The following PLEKHA7 variants were observed in gnomAD, a reference collection of about 807,000 sequenced individuals.
PLEKHA7 encodes pleckstrin homology domain-containing family A member 7.
Under a neutral mutation model 170.0 loss-of-function variants are expected in PLEKHA7, and 104 were observed. That is an observed-to-expected ratio of 0.61 (90% CI 0.52 to 0.72). The LOEUF (loss-of-function observed/expected upper bound fraction) is 0.72. Among genes scored for constraint, PLEKHA7 ranks in the 30% least tolerant of loss-of-function variants. The pLI, the probability that PLEKHA7 is intolerant of heterozygous loss-of-function variation, is 0.00. For missense variants in PLEKHA7, 1,615 were observed against 1,671.7 expected (o/e 0.97, Z 0.59); for synonymous variants, 648 against 660.8 (o/e 0.98, Z 0.30).
intron 3 of PLEKHA7, among the ~76,000 whole-genome samples, chr11:16,890,012 GA>G (rs1261066502): frequency 6.6e-6 from 1 of 151,902 alleles, no homozygotes; most frequent in Non-Finnish European, 1.5e-5. Flanking sequence ...TCTTCTTAAA[GA>G]AAAAAATGCC....
At position 16,816,953 on chromosome 11, in the gene PLEKHA7, C is replaced by T. The variant is rs536213599; in HGVS notation, c.1713G>A (p.Ser571=). The T allele has an allele frequency of 3.7e-4, 602 of 1,612,036 alleles. 1 individual carries two copies. The highest frequency in any genetic ancestry group is 4.8e-4 in the Non-Finnish European group (569 of 1,178,940). Residue 571 remains serine (S), a synonymous_variant, in exon 11 of 27, where the codon TCG becomes TCA. Coordinates refer to ENST00000531066, the MANE Select transcript of PLEKHA7 (RefSeq NM_001329630.2). ...TTGGGGGTCCTGGGGGAGGGATGTC[C>T]GAGGGAGATGGAGGCACAGAGATGG... ...PRSISVPPSP[S]DIPPPGPPRV...
At chr11:16,812,968 T>C in intron 13 of PLEKHA7, 145 bp downstream of exon 13, 2 of 614,554 alleles carry the variant, frequency 3.3e-6, no homozygotes, top group South Asian at 4.8e-5. Context: ...ATAAAGTTCT[T>C]CTGATTCAAG....
At chr11:16,894,019 GCCT>G (rs1856842639) in intron 3 of PLEKHA7, among the ~76,000 whole-genome samples, 1 of 152,182 alleles carries the variant, frequency 6.6e-6, no homozygotes, top group Admixed American at 6.5e-5. Flanking sequence ...GCTAGGCAAA[GCCT>G]CCTCTTTCCA....
intron 3 of PLEKHA7, among the ~76,000 whole-genome samples, chr11:17,007,390 T>C (rs1442693839): frequency 1.3e-5 from 2 of 152,132 alleles, no homozygotes; most frequent in African/African-American, 2.4e-5. Context: ...TGGTGCAATC[T>C]TGGCTCACCG....
chr11:16,802,041 A>G (rs1180512271), intron 15 of PLEKHA7, among the ~76,000 whole-genome samples: 1 of 152,158 alleles, frequency 6.6e-6, no homozygotes, highest in Non-Finnish European at 1.5e-5. Flanking sequence ...TCATCTATAA[A>G]CTAGGGATAC....
intron 3 of PLEKHA7, among the ~76,000 whole-genome samples, chr11:17,001,515 C>T (rs929128044): frequency 2.6e-5 from 4 of 152,104 alleles, no homozygotes; most frequent in African/African-American, 7.2e-5. Context: ...GCTCATCTCC[C>T]GCCTCACCCA....
At chr11:16,783,617 C>A (rs1348883430) in intron 25 of PLEKHA7, 83 bp downstream of exon 25, 2 of 1,306,846 alleles carry the variant, frequency 1.5e-6, no homozygotes, top group Non-Finnish European at 1.9e-6. Context: ...CGCACCCCAG[C>A]CAGCCCGGCC....
intron 10 of PLEKHA7, among the ~76,000 whole-genome samples, chr11:16,822,502 G>GAAAAAA (rs775136335): frequency 8.9e-5 from 7 of 78,956 alleles, no homozygotes; most frequent in African/African-American, 3.8e-4. Context: ...TTTGGTAGGG[G>GAAAAAA]AAAAAAAAAA....
At chr11:16,959,231 C>CCCTG (rs1861898279) in intron 3 of PLEKHA7, among the ~76,000 whole-genome samples, 46 of 72,808 alleles carry the variant, frequency 6.3e-4, no homozygotes, top group Admixed American at 6.1e-3. Context: ...TCCCCTCTCT[C>CCCTG]CCCCTCAGGT....
intron 3 of PLEKHA7, among the ~76,000 whole-genome samples, chr11:16,969,588 C>T (rs375762070): frequency 6.6e-6 from 1 of 152,134 alleles, no homozygotes; most frequent in East Asian, 1.9e-4. Context: ...CCTCCCATAT[C>T]GTCATGCTGC....
intron 3 of PLEKHA7, among the ~76,000 whole-genome samples, chr11:16,880,500 T>A (rs537414469): frequency 1.3e-5 from 2 of 152,226 alleles, no homozygotes; most frequent in South Asian, 4.2e-4. Flanking sequence ...TCCAATAGAG[T>A]TGTTTTGCCT....
intron 3 of PLEKHA7, among the ~76,000 whole-genome samples, chr11:16,938,722 G>C (rs1174147206): frequency 6.6e-6 from 1 of 152,098 alleles, no homozygotes; most frequent in East Asian, 1.9e-4. Context: ...ATGTGGGAGA[G>C]ACCATTTTTC....
chr11:16,827,004 A>G (rs1480475591), intron 9 of PLEKHA7, among the ~76,000 whole-genome samples: 3 of 152,204 alleles, frequency 2.0e-5, no homozygotes, highest in Admixed American at 6.5e-5. Context: ...ACTGCAAGAG[A>G]GAATGAATAA....
At chr11:16,920,371 G>T (rs781505896) in intron 3 of PLEKHA7, among the ~76,000 whole-genome samples, 1 of 152,134 alleles carries the variant, frequency 6.6e-6, no homozygotes. Flanking sequence ...AATTAGATAT[G>T]CCCAGAGATG....
chr11:17,012,730 G>T lies in PLEKHA7; in HGVS notation c.221+1259C>A, dbSNP rs575301740. ...TGAACGTGTGGCACACAGGAAAATT[G>T]TAATAACATCAACTGATGCAGTTAT... On this transcript the variant is annotated intron_variant, in intron 3 of 26. Transcript: ENST00000531066. 6.6e-5 allele frequency among the ~76,000 whole-genome samples: 10 copies of T among 152,322 alleles called. No homozygotes were observed. The East Asian group carries it at 1.7e-3, about 26-fold the overall frequency.
chr11:16,788,771 C>A (rs1428425911), intron 23 of PLEKHA7: 2 of 432,584 alleles, frequency 4.6e-6, no homozygotes, highest in Non-Finnish European at 8.5e-6. Flanking sequence ...CCTCTCTGAA[C>A]CCTGTATTCC....
intron 13 of PLEKHA7, among the ~76,000 whole-genome samples, chr11:16,810,262 C>T (rs1269064389): frequency 6.6e-6 from 1 of 152,254 alleles, no homozygotes; most frequent in East Asian, 1.9e-4. Flanking sequence ...TACCTCTCCC[C>T]TGATTCCAGC....
rs1863291148 is a variant in PLEKHA7 at position 16,979,596 on chromosome 11, C to T, written c.221+34393G>A. Reference sequence around the variant, plus strand: ...ATAGCTCCCTGAAACTAAAATTTTCCATTCTTTTTTCCTCCAACCCTTTCT... The same window carrying T: ...ATAGCTCCCTGAAACTAAAATTTTCTATTCTTTTTTCCTCCAACCCTTTCT... On this transcript the variant is annotated intron_variant, in intron 3 of 26. Coordinates refer to ENST00000531066, the MANE Select transcript of PLEKHA7 (RefSeq NM_001329630.2). 2.6e-5 allele frequency among the ~76,000 whole-genome samples: 4 copies of T among 152,156 alleles called. No homozygotes were observed. The South Asian group carries it at 8.3e-4, about 32-fold the overall frequency.
At chr11:16,944,543 TAAAAAAAAAAAA>T (rs34484852) in intron 3 of PLEKHA7, among the ~76,000 whole-genome samples, 1 of 138,954 alleles carries the variant, frequency 7.2e-6, no homozygotes, top group Non-Finnish European at 1.5e-5. Flanking sequence ...TTCTTCTCCT[TAAAAAAAAAAAA>T]AAAAATTCAA....
Sources: allele counts gnomAD v4.1 joint callset (sites outside exome capture counted in the v4.1 genomes callset), GRCh38; gene constraint gnomAD v4.1.1; transcripts MANE v1.5; gene names NCBI Gene and HGNC (gene_info 2026-07-23, HGNC 2026-07-21).